ADGRL3: variants seen among roughly 807,000 people sequenced by gnomAD.
ADGRL3 encodes the protein adhesion G protein-coupled receptor L3.
A neutral mutation model predicts 153.5 loss-of-function variants in ADGRL3; 62 were observed. That is an observed-to-expected ratio of 0.40 (90% confidence interval 0.33 to 0.50). The LOEUF (loss-of-function observed/expected upper bound fraction) is 0.50. Among genes scored for constraint, ADGRL3 ranks in the 20% least tolerant of loss-of-function variants. The pLI, the probability that ADGRL3 is intolerant of heterozygous loss-of-function variation, is 0.47. For synonymous variants in ADGRL3, 710 were observed against 672.5 expected (o/e 1.06, Z -0.86); for missense variants, 1,641 against 1,859.4 (o/e 0.88, Z 2.16).
At chr4:61,646,474 C>G (rs1580064723) in intron 5 of ADGRL3, among the ~76,000 whole-genome samples, 1 of 151,750 alleles carries the variant, frequency 6.6e-6, no homozygotes, top group African/African-American at 2.4e-5. Context: ...GTGTGGATGT[C>G]CTTTCTGTTT....
Position 62,075,880 on chromosome 4 carries a change from C to T in ADGRL3, c.*4972C>T, listed in dbSNP as rs139271004. On this transcript the variant is annotated 3_prime_UTR_variant, in exon 27 of 27. Coordinates refer to ENST00000683033, the MANE Select transcript of ADGRL3 (RefSeq NM_001387552.1). ...TAAAAATATTAAACAATTAAATTTT[C>T]ATTTGTAGGCTAGCAGAACTTAAAT... 2.4e-4 allele frequency: 36 copies of T among 152,198 alleles called. No homozygotes were observed. Among genetic ancestry groups the T allele is most frequent in the African/African-American group, 8.4e-4 (35 of 41,554 alleles). The allele number at this position is 152,198 out of a possible 1,614,324, so 9.4% of individuals were successfully genotyped here. A position where few individuals can be genotyped will look rare whatever the true frequency, so the allele number is the denominator to read the frequency against.
chr4:61,805,663 T>G (rs533087094), intron 8 of ADGRL3, among the ~76,000 whole-genome samples: 42 of 152,318 alleles, frequency 2.8e-4, no homozygotes, highest in African/African-American at 1.0e-3. Context: ...TGGTGCCAAT[T>G]AATCCAAGTT....
rs185799469 is a variant in ADGRL3, at chr4:61,456,455, A to C, written c.-173-40666A>C. Among the ~76,000 whole-genome samples the C allele has an allele frequency of 6.6e-3, 832 of 125,910 alleles. 11 individuals carry two copies. Among genetic ancestry groups the C allele is most frequent in the Non-Finnish European group, 0.011 (686 of 61,402 alleles). The allele number at this position is 125,910 out of a possible 152,430, so 82.6% of individuals were successfully genotyped here. ...TATATATATAGATATATCTATATCT[A>C]TATATATAGATATATCTATATCTAT... On this transcript the variant is annotated intron_variant, in intron 2 of 26. Transcript: ENST00000683033.
At chr4:61,939,700 C>A (rs1039340193) in intron 15 of ADGRL3, among the ~76,000 whole-genome samples, 1 of 151,982 alleles carries the variant, frequency 6.6e-6, no homozygotes, top group African/African-American at 2.4e-5. Flanking sequence ...GAATTCCTGA[C>A]TTCGTGATCT....
chr4:61,872,966 T>C (rs1468082811), intron 9 of ADGRL3, among the ~76,000 whole-genome samples: 1 of 152,218 alleles, frequency 6.6e-6, no homozygotes, highest in Non-Finnish European at 1.5e-5. Flanking sequence ...TTGTTTAAAA[T>C]GCACTGTAGT....
rs920875931 is a variant in ADGRL3, at chr4:62,074,623, G to C, written c.*3715G>C. On this transcript the variant is annotated 3_prime_UTR_variant, in exon 27 of 27. Transcript: ENST00000683033. ...TTGTAATAACAAAAATGAACTGACA[G>C]AACAATTATCTTGAAGTAACAATAA... The C allele has an allele frequency of 2.6e-5, 4 of 151,996 alleles. No individual in the cohort carries two copies. Among genetic ancestry groups the C allele is most frequent in the African/African-American group, 9.7e-5 (4 of 41,394 alleles). The allele number at this position is 151,996 out of a possible 1,614,324, so 9.4% of individuals were successfully genotyped here.
At chr4:61,620,716 C>T (rs2092445093) in intron 5 of ADGRL3, among the ~76,000 whole-genome samples, 1 of 129,122 alleles carries the variant, frequency 7.7e-6, no homozygotes, top group Non-Finnish European at 1.6e-5. Flanking sequence ...TCTCGGCTTA[C>T]TGCAACTTCT....
intron 1 of ADGRL3, among the ~76,000 whole-genome samples, chr4:61,357,566 T>C (rs2096199566): frequency 6.6e-6 from 1 of 152,170 alleles, no homozygotes; most frequent in Non-Finnish European, 1.5e-5. Flanking sequence ...CTGCTTTCTT[T>C]AGTTTACACT....
At chr4:62,006,681 G>C (rs951120178) in intron 21 of ADGRL3, among the ~76,000 whole-genome samples, 8 of 148,276 alleles carry the variant, frequency 5.4e-5, no homozygotes, top group Non-Finnish European at 1.0e-4. Flanking sequence ...AAATTATCCT[G>C]GTTTTCTAAA....
chr4:61,596,278 A>T (rs529596769), intron 5 of ADGRL3, among the ~76,000 whole-genome samples: 1 of 152,306 alleles, frequency 6.6e-6, no homozygotes. Flanking sequence ...CTTATAAATG[A>T]GAAAATGTAT....
intron 2 of ADGRL3, among the ~76,000 whole-genome samples, chr4:61,485,660 T>G (rs2098182931): frequency 6.6e-6 from 1 of 152,122 alleles, no homozygotes; most frequent in South Asian, 2.1e-4. Context: ...TGTAAGTAAA[T>G]GTGTATTTTT....
At chr4:61,769,731 G>T (rs541119368) in intron 8 of ADGRL3, among the ~76,000 whole-genome samples, 7 of 151,626 alleles carry the variant, frequency 4.6e-5, no homozygotes, top group African/African-American at 1.7e-4. Context: ...GTTCTCTGGC[G>T]GGTAGGAGTG....
intron 2 of ADGRL3, among the ~76,000 whole-genome samples, chr4:61,479,785 T>C (rs77881553): frequency 0.13 from 19,097 of 152,172 alleles, 1,397 homozygotes; most frequent in Non-Finnish European, 0.15. Context: ...ATGTTCCTAA[T>C]GATATGGGTT....
intron 1 of ADGRL3, among the ~76,000 whole-genome samples, chr4:61,336,117 TAGA>T (rs969140016): frequency 2.6e-5 from 4 of 152,170 alleles, no homozygotes; most frequent in Non-Finnish European, 5.9e-5. Context: ...TTATTGTGTA[TAGA>T]ATGAATAATA....
At chr4:61,468,139 A>T (rs2097906439) in intron 2 of ADGRL3, among the ~76,000 whole-genome samples, 1 of 152,212 alleles carries the variant, frequency 6.6e-6, no homozygotes, top group Admixed American at 6.6e-5. Flanking sequence ...AAATAAAAGC[A>T]ATGTAAAAAC....
At chr4:61,711,484 A>ATG (rs1394514264) in intron 6 of ADGRL3, among the ~76,000 whole-genome samples, 1 of 108,258 alleles carries the variant, frequency 9.2e-6, no homozygotes, top group Non-Finnish European at 2.0e-5. Flanking sequence ...ATATATATAT[A>ATG]TATATATACA....
At chr4:61,718,973 G>C (rs2096182087) in intron 6 of ADGRL3, among the ~76,000 whole-genome samples, 1 of 152,194 alleles carries the variant, frequency 6.6e-6, no homozygotes, top group Non-Finnish European at 1.5e-5. Context: ...GATGTTGGCT[G>C]AGTATGATAA....
rs138624449 is a variant in ADGRL3 at position 61,782,202 on chromosome 4, A to G, written c.1400-31607A>G. Among the ~76,000 whole-genome samples the G allele has an allele frequency of 5.1e-3, 775 of 152,238 alleles. 2 individuals carry two copies. Among genetic ancestry groups the G allele is most frequent in the African/African-American group, 0.018 (739 of 41,550 alleles). On this transcript the variant is annotated intron_variant, in intron 8 of 26. Coordinates refer to ENST00000683033, the MANE Select transcript of ADGRL3 (RefSeq NM_001387552.1). ...AATATGTGAGTTCCCTGTTATTTTA[A>G]TGTGCACAGCTTATTCTACATTCCT...
intron 2 of ADGRL3, among the ~76,000 whole-genome samples, chr4:61,476,200 A>T (rs2098047554): frequency 1.3e-5 from 2 of 152,086 alleles, no homozygotes; most frequent in Admixed American, 1.3e-4. Context: ...GTGTATTAAT[A>T]GTTTATAAGG....
Sources: gnomAD v4.1 joint callset for allele counts (sites outside exome capture counted in the v4.1 genomes callset) on GRCh38, gnomAD v4.1.1 for gene constraint, MANE v1.5 for transcripts, NCBI Gene and HGNC (gene_info 2026-07-23, HGNC 2026-07-21) for gene names.